The following ALMS1 variants were observed in gnomAD, a reference collection of about 807,000 sequenced individuals.
ALMS1 encodes the protein ALMS1 centrosome and basal body associated protein.
ALMS1 carries 271 observed loss-of-function variants against 352.2 expected under a neutral mutation model. The ratio of observed to expected loss-of-function variants is 0.77; its 90% CI spans 0.70 to 0.85. The LOEUF (loss-of-function observed/expected upper bound fraction) is 0.85. Among genes scored for constraint, ALMS1 ranks in the 40% least tolerant of loss-of-function variants. The pLI is 0.00. For synonymous variants in ALMS1, 1,865 were observed against 1,761.2 expected, an observed-to-expected ratio of 1.06 and a Z score of -1.48; for missense variants, 5,445 against 4,870.7, an observed-to-expected ratio of 1.12 and a Z score of -3.51.
At chr2:73,511,280 G>A (rs752526129) in intron 10 of ALMS1, among the ~76,000 whole-genome samples, 8 of 148,500 alleles carry the variant, frequency 5.4e-5, no homozygotes, top group Non-Finnish European at 1.0e-4. Context: ...CCAAATGGCC[G>A]CTCAGTTTTG....
rs911852275 is a variant in ALMS1, at chr2:73,609,657, C to A, written c.*45C>A. 6 of 1,571,166 alleles carry A rather than the reference C, an allele frequency of 3.8e-6. No individual in the cohort carries two copies. The highest frequency in any genetic ancestry group is 4.4e-6 in the Non-Finnish European group (5 of 1,141,064). On this transcript the variant is annotated 3_prime_UTR_variant, in exon 23 of 23. Transcript: ENST00000613296. The stretch of plus-strand genomic sequence containing the variant: ...GAGCCTTGGAATTCTATTTTATGAA[C>A]CTAGAGAAGCAGAATCCTTACTTTT...
chr2:73,428,521 T>A (rs1671439623), intron 6 of ALMS1, among the ~76,000 whole-genome samples: 1 of 152,252 alleles, frequency 6.6e-6, no homozygotes. Context: ...GTTCTAAATT[T>A]TTAATACTAC....
At chr2:73,387,936 A>G (rs1670572529) in intron 1 of ALMS1, among the ~76,000 whole-genome samples, 1 of 152,174 alleles carries the variant, frequency 6.6e-6, no homozygotes, top group African/African-American at 2.4e-5. Flanking sequence ...TTAATAACGG[A>G]TGGGATGTGA....
At chr2:73,518,774 C>T (rs1420629011) in intron 10 of ALMS1, among the ~76,000 whole-genome samples, 1 of 152,090 alleles carries the variant, frequency 6.6e-6, no homozygotes, top group Admixed American at 6.5e-5. Context: ...TAAAAAGTGT[C>T]TGTCATGTCC....
At chr2:73,509,654 A>G (rs1673408781) in intron 10 of ALMS1, among the ~76,000 whole-genome samples, 2 of 152,068 alleles carry the variant, frequency 1.3e-5, no homozygotes, top group Non-Finnish European at 2.9e-5. Flanking sequence ...GCTTCCCTTT[A>G]TGGGTAACCT....
At chr2:73,560,430 G>C (rs886402815) in intron 15 of ALMS1, among the ~76,000 whole-genome samples, 2 of 152,104 alleles carry the variant, frequency 1.3e-5, no homozygotes, top group African/African-American at 2.4e-5. Flanking sequence ...TGAAACCCTT[G>C]TTCACCATTG....
At chr2:73,461,219 G>A (rs191067142) in intron 9 of ALMS1, among the ~76,000 whole-genome samples, 3 of 152,204 alleles carry the variant, frequency 2.0e-5, no homozygotes, top group South Asian at 4.1e-4. Context: ...TCACACGACC[G>A]GGTACTCCTC....
rs755740074 is a variant in ALMS1, at chr2:73,550,438, G to GT, written c.10078+2dup. ...AAACCCTTGCAGAATGAAAATGCAG[G>GT]TAACTGGATTGGCTTTGTATACTTT... On this transcript the variant is annotated splice_donor_variant, in intron 13 of 22. Coordinates refer to ENST00000613296, the MANE Select transcript of ALMS1 (RefSeq NM_001378454.1). LOFTEE classifies it high-confidence loss of function. 3.1e-6 allele frequency: 5 copies of GT among 1,614,038 alleles called. No homozygotes were observed. The South Asian group carries it at 5.5e-5, about 18-fold the overall frequency.
intron 9 of ALMS1, among the ~76,000 whole-genome samples, chr2:73,468,160 T>C (rs1329283571): frequency 6.6e-6 from 1 of 151,906 alleles, no homozygotes; most frequent in Non-Finnish European, 1.5e-5. Flanking sequence ...AGGCAACCAT[T>C]TCTAATCATA....
chr2:73,466,070 G>T (rs570836942), intron 9 of ALMS1, among the ~76,000 whole-genome samples: 1 of 152,302 alleles, frequency 6.6e-6, no homozygotes, highest in South Asian at 2.1e-4. Flanking sequence ...GTGGAAGTCA[G>T]TGTGTCGATT....
At chr2:73,478,766 A>G (rs1235500796) in intron 9 of ALMS1, among the ~76,000 whole-genome samples, 1 of 152,060 alleles carries the variant, frequency 6.6e-6, no homozygotes, top group Non-Finnish European at 1.5e-5. Flanking sequence ...GGTTTGCTGC[A>G]CCTATCAACC....
At chr2:73,592,998 G>A (rs1293630346) in intron 16 of ALMS1, among the ~76,000 whole-genome samples, 5 of 152,086 alleles carry the variant, frequency 3.3e-5, no homozygotes, top group African/African-American at 1.2e-4. Flanking sequence ...CCTAACCCAT[G>A]GTGGCTGATA....
chr2:73,455,405 C>T, intron 9 of ALMS1, 110 bp downstream of exon 9: 1 of 1,446,408 alleles, frequency 6.9e-7, no homozygotes, highest in Non-Finnish European at 9.5e-7. Context: ...TGGCTAAAGC[C>T]TTTTTTGGTT....
chr2:73,407,782 T>G (rs1477201221), intron 1 of ALMS1, among the ~76,000 whole-genome samples: 1 of 152,164 alleles, frequency 6.6e-6, no homozygotes, highest in African/African-American at 2.4e-5. Context: ...GGTCTGGAAC[T>G]CCTGACCTCA....
rs939074355 is a variant in ALMS1 at position 73,483,472 on chromosome 2, TGAG to T, written c.7675-6158_7675-6156del. Among the ~76,000 whole-genome samples the T allele has an allele frequency of 1.4e-4, 22 of 151,836 alleles. 1 individual carries two copies. Among genetic ancestry groups the T allele is most frequent in the African/African-American group, 2.9e-4 (12 of 41,182 alleles). Reference sequence around the variant, plus strand: ...ATAATTTCTGTTCTTTTACATTTGTTGAGGAGAGCTTTAGTTCCAAGTATGTGG... The same window carrying T: ...ATAATTTCTGTTCTTTTACATTTGTTGAGAGCTTTAGTTCCAAGTATGTGG... On this transcript the variant is annotated intron_variant, in intron 9 of 22. Coordinates refer to ENST00000613296, the MANE Select transcript of ALMS1 (RefSeq NM_001378454.1).
intron 15 of ALMS1, among the ~76,000 whole-genome samples, chr2:73,571,136 A>G (rs990466390): frequency 2.0e-5 from 3 of 152,198 alleles, no homozygotes; most frequent in African/African-American, 7.2e-5. Flanking sequence ...CTTTAGGTAT[A>G]AATGCAGGCC....
rs549670195 is a variant in ALMS1, at chr2:73,551,611, T to G, written c.10078+1174T>G. Among the ~76,000 whole-genome samples, 4 of 151,944 alleles carry G rather than the reference T, an allele frequency of 2.6e-5. No homozygotes were observed. The East Asian group carries it at 7.7e-4, about 29-fold the overall frequency. On this transcript the variant is annotated intron_variant, in intron 13 of 22. Transcript: ENST00000613296. ...CTCCACACCCAGCTAATTTTTTGTATTTTTAGTAGAGGTGGGGTTTCACCA... is the reference window on the plus strand; with the variant it reads ...CTCCACACCCAGCTAATTTTTTGTAGTTTTAGTAGAGGTGGGGTTTCACCA...
intron 10 of ALMS1, among the ~76,000 whole-genome samples, chr2:73,504,455 C>A (rs891043965): frequency 1.3e-5 from 2 of 152,138 alleles, no homozygotes; most frequent in Admixed American, 6.5e-5. Flanking sequence ...AGCCAGTGAT[C>A]TGTTTTTCTA....
intron 16 of ALMS1, among the ~76,000 whole-genome samples, chr2:73,596,860 C>CTTTTTTTTTT (rs70965740): frequency 9.6e-5 from 10 of 104,244 alleles, no homozygotes; most frequent in Non-Finnish European, 1.4e-4. Context: ...CCCTCTACCT[C>CTTTTTTTTTT]TTTTTTTTTT....
Sources: allele counts gnomAD v4.1 joint callset (sites outside exome capture counted in the v4.1 genomes callset), GRCh38; gene constraint gnomAD v4.1.1; transcripts MANE v1.5; gene names NCBI Gene and HGNC (gene_info 2026-07-23, HGNC 2026-07-21).